GRID2: variants seen among roughly 807,000 people sequenced by gnomAD.
GRID2 encodes glutamate receptor ionotropic, delta-2.
Under a neutral mutation model 114.8 loss-of-function variants are expected in GRID2, and 33 were observed. The ratio of observed to expected loss-of-function variants is 0.29; its 90% CI spans 0.22 to 0.38. The LOEUF (loss-of-function observed/expected upper bound fraction) is 0.38, where lower values mean the gene tolerates loss of function less well. Among genes scored for constraint, GRID2 ranks in the 10% least tolerant of loss-of-function variants. GRID2 has a pLI of 1.00. For missense variants in GRID2, 1,184 were observed against 1,257.7 expected (o/e 0.94, Z 0.89); for synonymous variants, 505 against 449.9 (o/e 1.12, Z -1.55).
chr4:92,635,508 A>G (rs1011409924), intron 2 of GRID2, among the ~76,000 whole-genome samples: 1 of 151,724 alleles, frequency 6.6e-6, no homozygotes, highest in Non-Finnish European at 1.5e-5. Context: ...TTCCTTAAAT[A>G]TTTGAAGTTT....
At chr4:92,790,414 T>C (rs1265437816) in intron 2 of GRID2, among the ~76,000 whole-genome samples, 1 of 151,814 alleles carries the variant, frequency 6.6e-6, no homozygotes, top group Admixed American at 6.6e-5. Context: ...AAATGTGTCT[T>C]TATTTATTAT....
intron 1 of GRID2, among the ~76,000 whole-genome samples, chr4:92,443,070 G>C (rs1733206404): frequency 6.6e-6 from 1 of 152,130 alleles, no homozygotes; most frequent in African/African-American, 2.4e-5. Context: ...AGATTAGAAA[G>C]ACTCAGCGAG....
intron 8 of GRID2, among the ~76,000 whole-genome samples, chr4:93,291,726 C>T (rs943193426): frequency 6.6e-6 from 1 of 152,140 alleles, no homozygotes; most frequent in African/African-American, 2.4e-5. Context: ...CATACCCTGC[C>T]TCAAGATGGC....
chr4:92,959,406 T>TA (rs111593910), intron 2 of GRID2, among the ~76,000 whole-genome samples: 3,656 of 149,720 alleles, frequency 0.024, 74 homozygotes, highest in East Asian at 0.052. Flanking sequence ...TGTAGTTCAA[T>TA]TTTTTTTTTA....
At chr4:93,223,469 T>A (rs1745126265) in intron 6 of GRID2, among the ~76,000 whole-genome samples, 2 of 152,174 alleles carry the variant, frequency 1.3e-5, no homozygotes. Context: ...AGACTCTAAT[T>A]ATCTCAATAG....
At chr4:92,690,573 T>C (rs1734137538) in intron 2 of GRID2, among the ~76,000 whole-genome samples, 1 of 152,142 alleles carries the variant, frequency 6.6e-6, no homozygotes, top group Admixed American at 6.5e-5. Context: ...ATGGTGCCAA[T>C]AGATTTGCTT....
At chr4:93,548,043 G>A (rs1234397113) in intron 13 of GRID2, among the ~76,000 whole-genome samples, 1 of 152,038 alleles carries the variant, frequency 6.6e-6, no homozygotes, top group African/African-American at 2.4e-5. Flanking sequence ...TGGGCACGGT[G>A]GTGCGCACCT....
intron 2 of GRID2, among the ~76,000 whole-genome samples, chr4:92,771,989 C>T (rs1382830598): frequency 6.6e-6 from 1 of 152,296 alleles, no homozygotes; most frequent in Middle Eastern, 3.4e-3. Flanking sequence ...TCAGCCATGT[C>T]TAGCCCCTAC....
chr4:92,906,628 A>AT (rs1048955800), intron 2 of GRID2, among the ~76,000 whole-genome samples: 3 of 151,754 alleles, frequency 2.0e-5, no homozygotes, highest in South Asian at 2.1e-4. Context: ...TTATTTATTT[A>AT]TTTTTTTAGA....
intron 8 of GRID2, among the ~76,000 whole-genome samples, chr4:93,271,451 G>A (rs996351177): frequency 6.6e-6 from 1 of 152,130 alleles, no homozygotes; most frequent in African/African-American, 2.4e-5. Context: ...AGGAAGCTGA[G>A]GGAGCAGAAA....
intron 14 of GRID2, among the ~76,000 whole-genome samples, chr4:93,656,050 T>TTA (rs1252110825): frequency 1.4e-5 from 2 of 145,514 alleles, no homozygotes; most frequent in African/African-American, 2.5e-5. Flanking sequence ...CATAAAAACA[T>TTA]TATATATATA....
At chr4:92,633,946 A>T (rs1730934872) in intron 2 of GRID2, among the ~76,000 whole-genome samples, 1 of 151,990 alleles carries the variant, frequency 6.6e-6, no homozygotes, top group African/African-American at 2.4e-5. Flanking sequence ...AAAGAGAGGA[A>T]ATCGGCAGAA....
intron 1 of GRID2, among the ~76,000 whole-genome samples, chr4:92,485,634 G>A (rs946936114): frequency 1.3e-5 from 2 of 151,566 alleles, no homozygotes; most frequent in Admixed American, 1.3e-4. Context: ...AGGTTGCAGT[G>A]AGCTGAGATT....
intron 2 of GRID2, among the ~76,000 whole-genome samples, chr4:93,067,267 C>T (rs1206293541): frequency 6.6e-6 from 1 of 151,896 alleles, no homozygotes; most frequent in Non-Finnish European, 1.5e-5. Flanking sequence ...ATCTCTTTTG[C>T]CAAGCACCCT....
chr4:93,164,827 ATAAAG>A (rs2149413302), intron 4 of GRID2: 1 of 353,860 alleles, frequency 2.8e-6, no homozygotes, highest in African/African-American at 2.1e-5. Context: ...ATTGGAGTAA[ATAAAG>A]TAAGCTTTGA....
At chr4:93,467,590 G>A (rs1218526376) in intron 11 of GRID2, among the ~76,000 whole-genome samples, 2 of 152,186 alleles carry the variant, frequency 1.3e-5, no homozygotes, top group African/African-American at 4.8e-5. Context: ...AGCAGGGACT[G>A]TCTACAAGTA....
At chr4:92,608,772 A>G (rs545311090) in intron 2 of GRID2, among the ~76,000 whole-genome samples, 14 of 151,886 alleles carry the variant, frequency 9.2e-5, no homozygotes, top group African/African-American at 3.4e-4. Context: ...TAACATAAGT[A>G]TTTTTATTGG....
At chr4:93,570,339 T>C (rs1214630217) in intron 13 of GRID2, among the ~76,000 whole-genome samples, 2 of 152,084 alleles carry the variant, frequency 1.3e-5, no homozygotes, top group Non-Finnish European at 2.9e-5. Flanking sequence ...AGACTTTCCC[T>C]TAGTATTTAC....
At chr4:92,745,587 G>A (rs1232880958) in intron 2 of GRID2, among the ~76,000 whole-genome samples, 1 of 152,034 alleles carries the variant, frequency 6.6e-6, no homozygotes, top group African/African-American at 2.4e-5. Context: ...TAAATGTGAG[G>A]TCATTGTATT....
Sources: allele counts gnomAD v4.1 joint callset (sites outside exome capture counted in the v4.1 genomes callset), GRCh38; gene constraint gnomAD v4.1.1; transcripts MANE v1.5; gene names NCBI Gene and HGNC (gene_info 2026-07-23, HGNC 2026-07-21).